The following RNF157 variants were observed in gnomAD, a reference collection of about 807,000 sequenced individuals.
RNF157 encodes the protein E3 ubiquitin ligase RNF157.
RNF157 carries 55 observed loss-of-function variants against 88.3 expected under a neutral mutation model. The observed-to-expected ratio is 0.62, with a 90% confidence interval of 0.50 to 0.78. The LOEUF (loss-of-function observed/expected upper bound fraction) is 0.78, where lower values mean the gene tolerates loss of function less well. Among genes scored for constraint, RNF157 ranks in the 30% least tolerant of loss-of-function variants. The pLI is 0.00. For synonymous variants in RNF157, 334 were observed against 341.2 expected, an observed-to-expected ratio of 0.98 and a Z score of 0.23; for missense variants, 788 against 860.8, an observed-to-expected ratio of 0.92 and a Z score of 1.06.
intron 1 of RNF157, among the ~76,000 whole-genome samples, chr17:76,234,290 T>C (rs1429789791): frequency 6.6e-6 from 1 of 152,252 alleles, no homozygotes; most frequent in African/African-American, 2.4e-5. Context: ...TATTCATCGG[T>C]TGATGAACAT....
intron 2 of RNF157, among the ~76,000 whole-genome samples, chr17:76,199,346 T>A (rs1366284887): frequency 2.0e-5 from 3 of 152,174 alleles, no homozygotes; most frequent in Non-Finnish European, 4.4e-5. Context: ...GGCCTCAACC[T>A]CACAGGCTCA....
chr17:76,177,180 T>C (rs1036907456), intron 2 of RNF157, among the ~76,000 whole-genome samples: 2 of 152,046 alleles, frequency 1.3e-5, no homozygotes, highest in African/African-American at 4.8e-5. Context: ...TGCCCCAGGC[T>C]GCAAGGGGGT....
At chr17:76,215,154 T>C (rs927003794) in intron 1 of RNF157, among the ~76,000 whole-genome samples, 11 of 152,042 alleles carry the variant, frequency 7.2e-5, no homozygotes, top group African/African-American at 2.4e-4. Flanking sequence ...TGTTGAAGAT[T>C]TGTAGCAGGC....
intron 18 of RNF157, among the ~76,000 whole-genome samples, chr17:76,148,474 A>G (rs892160401): frequency 6.6e-6 from 1 of 150,722 alleles, no homozygotes; most frequent in Non-Finnish European, 1.5e-5. Flanking sequence ...TCACCGTGTT[A>G]GCCAGGATGG....
chr17:76,198,079 C>T lies in RNF157; in HGVS notation c.207+14285G>A, dbSNP rs138912015. Among the ~76,000 whole-genome samples, 9 of 152,298 alleles carry T rather than the reference C, an allele frequency of 5.9e-5. No homozygotes were observed. In the East Asian group the frequency reaches 9.6e-4, roughly 16 times the overall value. On this transcript the variant is annotated intron_variant, in intron 2 of 18. Coordinates refer to ENST00000269391, the MANE Select transcript of RNF157 (RefSeq NM_052916.3). ...ACCTGCCCCCACCTTCCTTTCTGGC[C>T]ACCCAACCATAATTAGGGCCATTAT...
intron 1 of RNF157, among the ~76,000 whole-genome samples, chr17:76,214,937 G>T (rs1299775188): frequency 6.6e-6 from 1 of 152,146 alleles, no homozygotes; most frequent in African/African-American, 2.4e-5. Context: ...TTAAACGAAT[G>T]CCGCTTACCT....
In RNF157 at chr17:76,170,415, G is replaced by A. The variant is rs150214389; in HGVS notation, c.297-2618C>T. Among the ~76,000 whole-genome samples, 459 of 152,262 alleles carry A rather than the reference G, an allele frequency of 3.0e-3. 3 individuals carry two copies. Among genetic ancestry groups the A allele is most frequent in the Non-Finnish European group, 4.7e-3 (319 of 68,024 alleles). On this transcript the variant is annotated intron_variant, in intron 3 of 18. Coordinates refer to ENST00000269391, the MANE Select transcript of RNF157 (RefSeq NM_052916.3). ...GGCTAATTTTTGTATTTCTTGTAGA[G>A]ACAGGGCTTTACCATATTGCCCAGG...
At chr17:76,166,026 G>A (rs1272312394) in intron 6 of RNF157, among the ~76,000 whole-genome samples, 3 of 152,008 alleles carry the variant, frequency 2.0e-5, no homozygotes, top group Admixed American at 6.6e-5. Context: ...CCAGGCTGGA[G>A]TGCAGTGGCA....
rs1393723840 is a variant in RNF157, at chr17:76,161,286, C to G, written c.1065+249G>C. Among the ~76,000 whole-genome samples, 4 of 152,094 alleles carry G rather than the reference C, an allele frequency of 2.6e-5. No homozygotes were observed. Among genetic ancestry groups the G allele is most frequent in the African/African-American group, 9.7e-5 (4 of 41,392 alleles). ...AACCTCACTGGAGTGAAACTGCAAG[C>G]AGATGGCTCTAGGAATGGTAAACAT... is the stretch of plus-strand genomic sequence containing the variant. On this transcript the variant is annotated intron_variant, in intron 11 of 18. Coordinates refer to ENST00000269391, the MANE Select transcript of RNF157 (RefSeq NM_052916.3). The surrounding 1 kb of genome is among the most constrained non-coding windows in gnomAD (Gnocchi z 4.6).
chr17:76,156,549 C>G (rs1490150396), intron 13 of RNF157: 11 of 984,998 alleles, frequency 1.1e-5, no homozygotes, highest in Non-Finnish European at 1.3e-5. Context: ...CACCTCCTGC[C>G]CAGGGCACAG....
At chr17:76,234,118 T>C (rs761161537) in intron 1 of RNF157, among the ~76,000 whole-genome samples, 1 of 152,252 alleles carries the variant, frequency 6.6e-6, no homozygotes, top group African/African-American at 2.4e-5. Context: ...TTCTTATAAA[T>C]GAGATTATTC....
rs1210042424 is a variant in RNF157, at chr17:76,239,945, G to A, written c.88+208C>T. On this transcript the variant is annotated intron_variant, in intron 1 of 18. Transcript: ENST00000269391. ...CTCGGTGCCCTCGGTGACCCTGCTA[G>A]ACCCGGCAGGACGCCCCTTGGGCTA... Among the ~76,000 whole-genome samples, 4 of 152,176 alleles carry A rather than the reference G, an allele frequency of 2.6e-5. No homozygotes were observed. The East Asian group carries it at 7.7e-4, about 29-fold the overall frequency.
intron 2 of RNF157, among the ~76,000 whole-genome samples, chr17:76,204,850 T>C (rs917811570): frequency 1.1e-4 from 17 of 151,554 alleles, no homozygotes; most frequent in South Asian, 6.2e-4. Context: ...AGTGGTGCGA[T>C]CTCGGCTCAC....
rs1277012834 is a variant in RNF157, at chr17:76,161,485, G to A, written c.1065+50C>T. 3 of 1,362,150 alleles carry A rather than the reference G, an allele frequency of 2.2e-6. No homozygotes were observed. The highest frequency in any genetic ancestry group is 3.2e-6 in the Non-Finnish European group (3 of 950,480). The allele number at this position is 1,362,150 out of a possible 1,614,324, so 84.4% of individuals were successfully genotyped here. A position where few individuals can be genotyped will look rare whatever the true frequency, so the allele number is the denominator to read the frequency against. On this transcript the variant is annotated intron_variant, in intron 11 of 18. Transcript: ENST00000269391. This position sits in a 1 kb window ranked among gnomAD's most constrained non-coding sequence, Gnocchi z 4.6. ...AGAGAAGCATGAAAAGTTTAAAAAA[G>A]CCAATGAGGCATTTGCTTCAGAGGG...
At position 76,240,323 on chromosome 17, in the gene RNF157, G is replaced by A. The variant is rs2070358950; in HGVS notation, c.-83C>T. 4 of 635,266 alleles carry A rather than the reference G, an allele frequency of 6.3e-6. No homozygotes were observed. Among genetic ancestry groups the A allele is most frequent in the Non-Finnish European group, 7.8e-6 (4 of 512,906 alleles). 39.4% of individuals were successfully genotyped at this position (635,266 alleles called of 1,614,324 possible). ...CACCGCGGCCGCCCGCCCCGCGCCCGGTGCGGGGGCCGACTGCCCGCCGCG... is the reference window on the plus strand; with the variant it reads ...CACCGCGGCCGCCCGCCCCGCGCCCAGTGCGGGGGCCGACTGCCCGCCGCG... On this transcript the variant is annotated 5_prime_UTR_variant, in exon 1 of 19. Transcript: ENST00000269391. The surrounding 1 kb of genome is among the most constrained non-coding windows in gnomAD (Gnocchi z 4.4).
chr17:76,197,276 C>T (rs1208153079), intron 2 of RNF157, among the ~76,000 whole-genome samples: 2 of 152,204 alleles, frequency 1.3e-5, no homozygotes, highest in African/African-American at 4.8e-5. Context: ...GAAACAGTTA[C>T]AGTAAGGACT....
chr17:76,220,196 C>G (rs916017906), intron 1 of RNF157, among the ~76,000 whole-genome samples: 4 of 151,886 alleles, frequency 2.6e-5, no homozygotes, highest in Non-Finnish European at 5.9e-5. Flanking sequence ...AGGAAATACA[C>G]AAGATGGGAC....
chr17:76,215,575 G>A (rs544114709), intron 1 of RNF157, among the ~76,000 whole-genome samples: 3 of 148,860 alleles, frequency 2.0e-5, no homozygotes, highest in Admixed American at 6.7e-5. Context: ...AGTACTTTGA[G>A]CCTGTGGAGA....
chr17:76,183,180 G>T (rs1028307477), intron 2 of RNF157, among the ~76,000 whole-genome samples: 6 of 148,602 alleles, frequency 4.0e-5, no homozygotes, highest in African/African-American at 1.5e-4. Context: ...CAGGCGATCC[G>T]CCCGCCTCAG....
Sources: allele counts gnomAD v4.1 joint callset (sites outside exome capture counted in the v4.1 genomes callset), GRCh38; gene constraint gnomAD v4.1.1; non-coding constraint Gnocchi (gnomAD v3.1); transcripts MANE v1.5; gene names NCBI Gene and HGNC (gene_info 2026-07-23, HGNC 2026-07-21).